Variants in VEPH1 observed in about 807,000 individuals in gnomAD.
The protein encoded by VEPH1 is ventricular zone expressed PH domain containing 1.
Under a neutral mutation model 85.2 loss-of-function variants are expected in VEPH1, and 80 were observed. The ratio of observed to expected loss-of-function variants is 0.94; its 90% CI spans 0.78 to 1.13. The LOEUF is 1.13. VEPH1 is among the 50% of genes most tolerant of loss of function. The pLI is 0.00. For missense variants in VEPH1, 955 were observed against 980.5 expected, an observed-to-expected ratio of 0.97 and a Z score of 0.35; for synonymous variants, 297 against 348.0, an observed-to-expected ratio of 0.85 and a Z score of 1.63.
intron 7 of VEPH1, among the ~76,000 whole-genome samples, chr3:157,378,024 T>C (rs1475585973): frequency 1.3e-5 from 2 of 151,996 alleles, no homozygotes; most frequent in South Asian, 4.2e-4. Context: ...GGCCAGGACA[T>C]GGGCCAAACT....
chr3:157,284,183 T>C (rs932419026), intron 12 of VEPH1, among the ~76,000 whole-genome samples: 6 of 152,258 alleles, frequency 3.9e-5, no homozygotes, highest in Non-Finnish European at 8.8e-5. Flanking sequence ...TCAAGGAATA[T>C]TTGACATTGC....
chr3:157,274,022 C>A (rs953328342), intron 12 of VEPH1, among the ~76,000 whole-genome samples: 1 of 152,190 alleles, frequency 6.6e-6, no homozygotes, highest in Admixed American at 6.5e-5. Context: ...CTGCCACTTA[C>A]CAGCTGACTG....
chr3:157,451,581 G>A (rs568054634), intron 4 of VEPH1, among the ~76,000 whole-genome samples: 1 of 152,274 alleles, frequency 6.6e-6, no homozygotes, highest in South Asian at 2.1e-4. Context: ...CATAGCCCTT[G>A]GACAAAGTCT....
Position 157,428,336 on chromosome 3 carries a change from T to A in VEPH1, c.682A>T (p.Lys228Ter). 2 of 1,614,134 alleles carry A rather than the reference T, an allele frequency of 1.2e-6. No individual in the cohort carries two copies. The highest frequency in any genetic ancestry group is 1.3e-5 in the African/African-American group (1 of 75,052). Residue 228 changes from lysine to a stop codon, truncating the protein, a stop_gained, in exon 5 of 14, where the codon AAA becomes TAA. Coordinates refer to ENST00000362010, the MANE Select transcript of VEPH1 (RefSeq NM_001167912.2). LOFTEE classifies it high-confidence loss of function. ...GTACTTTTTACCTCGAGTTGTTTTT[T>A]CTTTGCTGCTACATGCAAAAGCCGT... ...LLRLLHVAAK[K>*]KQLEVVQKCI...
chr3:157,318,506 G>A (rs1052115590), intron 9 of VEPH1, among the ~76,000 whole-genome samples: 1 of 151,968 alleles, frequency 6.6e-6, no homozygotes, highest in African/African-American at 2.4e-5. Flanking sequence ...TACTTGGGGG[G>A]CAGAGCAGGA....
intron 4 of VEPH1, among the ~76,000 whole-genome samples, chr3:157,452,178 G>A (rs1735021147): frequency 6.6e-6 from 1 of 152,094 alleles, no homozygotes; most frequent in African/African-American, 2.4e-5. Context: ...GCAAATCAGA[G>A]CACATGCAGG....
intron 9 of VEPH1, 54 bp from the exon 10 acceptor site, chr3:157,317,255 T>C (rs1469953831): frequency 2.7e-6 from 4 of 1,481,806 alleles, no homozygotes; most frequent in Non-Finnish European, 3.6e-6. Context: ...GAGTTACACT[T>C]TATATTGATA....
rs539449484 is a variant in VEPH1, at chr3:157,288,465, T to C, written c.2011-1791A>G. On this transcript the variant is annotated intron_variant, in intron 11 of 13. Transcript: ENST00000362010. ...TAAATTTCTTGACAGAGGTAAGAAGTATGTCCAACTATCAGTTCACTGAGA... is the reference window on the plus strand; with the variant it reads ...TAAATTTCTTGACAGAGGTAAGAAGCATGTCCAACTATCAGTTCACTGAGA... 8.5e-5 allele frequency among the ~76,000 whole-genome samples: 13 copies of C among 152,168 alleles called. No homozygotes were observed. In the South Asian group the frequency reaches 2.5e-3, roughly 29 times the overall value.
chr3:157,414,091 C>T lies in VEPH1; in HGVS notation c.697-1G>A. 6.3e-7 allele frequency: 1 copy of T among 1,598,560 alleles called. No homozygotes were observed. ...GGAAAGGAATACACTTCTGAACTAC[C>T]TATAAAGAGAGAGGAGAGGAGGAGG... is the stretch of plus-strand genomic sequence containing the variant. On this transcript the variant is annotated splice_acceptor_variant, in intron 5 of 13. Transcript: ENST00000362010. LOFTEE classifies it high-confidence loss of function.
At chr3:157,477,391 C>T (rs181517059) in intron 2 of VEPH1, among the ~76,000 whole-genome samples, 12 of 152,208 alleles carry the variant, frequency 7.9e-5, no homozygotes, top group Non-Finnish European at 1.3e-4. Flanking sequence ...AAGATGATCT[C>T]CCAATCTCAA....
In VEPH1 at chr3:157,414,033, C is replaced by A; in HGVS notation, c.754G>T (p.Asp252Tyr). ...IGHLKDSTHN[D>Y]IILNILIEIA... ...TCTATGAGGATGTTTAGGATGATGT[C>A]ATTATGGGTTGAATCCTTCAAATGC... The change falls in exon 6 of 14, where the codon GAC becomes TAC. Residue 252 changes from aspartate (D) to tyrosine (Y), a missense_variant. Coordinates refer to ENST00000362010, the MANE Select transcript of VEPH1 (RefSeq NM_001167912.2). 11 of 1,613,258 alleles carry A rather than the reference C, an allele frequency of 6.8e-6. No individual in the cohort carries two copies. Among genetic ancestry groups the A allele is most frequent in the Admixed American group, 1.7e-5 (1 of 59,914 alleles).
At chr3:157,457,443 G>T (rs1003226295) in intron 4 of VEPH1, among the ~76,000 whole-genome samples, 2 of 152,094 alleles carry the variant, frequency 1.3e-5, no homozygotes, top group African/African-American at 2.4e-5. Context: ...GAGAGAGGGC[G>T]TCCTTGTCTT....
At chr3:157,317,247 G>T (rs750922240) in intron 9 of VEPH1, 46 bp from the exon 10 acceptor site, 3 of 1,521,642 alleles carry the variant, frequency 2.0e-6, no homozygotes, top group East Asian at 4.7e-5. Flanking sequence ...TCTTTCCAGA[G>T]TTACACTTTA....
intron 2 of VEPH1, among the ~76,000 whole-genome samples, chr3:157,474,261 T>C (rs1737235982): frequency 6.6e-6 from 1 of 152,106 alleles, no homozygotes; most frequent in South Asian, 2.1e-4. Flanking sequence ...TATTGCTATG[T>C]AATTTAACAT....
intron 3 of VEPH1, among the ~76,000 whole-genome samples, chr3:157,463,640 G>A (rs1736086934): frequency 6.6e-6 from 1 of 152,150 alleles, no homozygotes; most frequent in Admixed American, 6.6e-5. Flanking sequence ...GTCAGGGCAC[G>A]TGCTTGGTTG....
At chr3:157,319,797 C>G (rs1196552815) in intron 9 of VEPH1, among the ~76,000 whole-genome samples, 1 of 152,138 alleles carries the variant, frequency 6.6e-6, no homozygotes, top group Non-Finnish European at 1.5e-5. Flanking sequence ...TCACTCTGAG[C>G]CTACCAGCTT....
intron 9 of VEPH1, among the ~76,000 whole-genome samples, chr3:157,328,228 A>T (rs1722138556): frequency 6.6e-6 from 1 of 152,114 alleles, no homozygotes; most frequent in East Asian, 1.9e-4. Flanking sequence ...TAAAGAGTTA[A>T]TTCATGTAAG....
In VEPH1 at chr3:157,400,528, C is replaced by T. The variant is rs188438324; in HGVS notation, c.906+13353G>A. Among the ~76,000 whole-genome samples, 202 of 152,124 alleles carry T rather than the reference C, an allele frequency of 1.3e-3. 1 individual carries two copies. Among genetic ancestry groups the T allele is most frequent in the Non-Finnish European group, 2.6e-3 (174 of 67,944 alleles). On this transcript the variant is annotated intron_variant, in intron 6 of 13. Coordinates refer to ENST00000362010, the MANE Select transcript of VEPH1 (RefSeq NM_001167912.2). ...AGAGGTAGCTTAACTTTATGCTATG[C>T]TATTTGAGACAATAAATTATGGTCT...
intron 12 of VEPH1, among the ~76,000 whole-genome samples, chr3:157,270,165 G>A (rs1577196320): frequency 6.6e-6 from 1 of 152,078 alleles, no homozygotes; most frequent in Admixed American, 6.5e-5. Flanking sequence ...GGGGGTGAAG[G>A]GGTGCAGAGG....
Sources: allele counts gnomAD v4.1 joint callset (sites outside exome capture counted in the v4.1 genomes callset), GRCh38; gene constraint gnomAD v4.1.1; transcripts MANE v1.5; gene names NCBI Gene and HGNC (gene_info 2026-07-23, HGNC 2026-07-21).